The following ADGRA2 variants were observed in gnomAD, a reference collection of about 807,000 sequenced individuals.
The protein encoded by ADGRA2 is adhesion G protein-coupled receptor A2, also known as G-protein coupled receptor 124.
Under a neutral mutation model 98.7 loss-of-function variants are expected in ADGRA2, and 61 were observed. The ratio of observed to expected loss-of-function variants is 0.62; its 90% CI spans 0.50 to 0.76. The LOEUF (loss-of-function observed/expected upper bound fraction) is 0.76. Among genes scored for constraint, ADGRA2 ranks in the 30% least tolerant of loss-of-function variants. The pLI is 0.00. For synonymous variants in ADGRA2, 858 were observed against 831.5 expected (o/e 1.03, Z -0.55); for missense variants, 1,712 against 1,860.0 (o/e 0.92, Z 1.46).
intron 1 of ADGRA2, among the ~76,000 whole-genome samples, chr8:37,813,504 CGT>C (rs576097673): frequency 4.6e-5 from 7 of 152,112 alleles, no homozygotes; most frequent in African/African-American, 1.2e-4. Flanking sequence ...CAACATTGTG[CGT>C]GTGTGTGTGT....
chr8:37,839,139 C>T lies in ADGRA2; in HGVS notation c.2387+56C>T, dbSNP rs549345805. On this transcript the variant is annotated intron_variant, in intron 15 of 18. Transcript: ENST00000412232. Reference sequence around the variant, plus strand: ...TGGGCAGGCATGGAAGGGGCCCCTACCCTGTCCACTTCCCGTCCTATGCTC... The same window carrying T: ...TGGGCAGGCATGGAAGGGGCCCCTATCCTGTCCACTTCCCGTCCTATGCTC... The T allele has an allele frequency of 2.5e-4, 393 of 1,597,486 alleles. 2 individuals carry two copies. The South Asian group carries it at 4.1e-3, about 17-fold the overall frequency.
At chr8:37,808,655 A>G (rs1804745645) in intron 1 of ADGRA2, among the ~76,000 whole-genome samples, 1 of 151,988 alleles carries the variant, frequency 6.6e-6, no homozygotes, top group African/African-American at 2.4e-5. Flanking sequence ...ACCTGCCCAT[A>G]AAAATGCCAG....
chr8:37,829,055 C>A (rs185859866), intron 3 of ADGRA2, 96 bp downstream of exon 3: 21 of 899,004 alleles, frequency 2.3e-5, no homozygotes, highest in East Asian at 2.1e-4. Flanking sequence ...CTCACCCCCC[C>A]ACACCTGCCC....
chr8:37,835,066 G>A, intron 11 of ADGRA2, 108 bp from the exon 12 acceptor site: 2 of 726,094 alleles, frequency 2.8e-6, no homozygotes, highest in Non-Finnish European at 4.7e-6. Flanking sequence ...AAAAACTGAG[G>A]ATTGAAGGGG....
intron 2 of ADGRA2, among the ~76,000 whole-genome samples, chr8:37,815,338 C>T (rs149447384): frequency 3.0e-4 from 45 of 152,370 alleles, no homozygotes; most frequent in African/African-American, 1.0e-3. Context: ...CGACTGACTG[C>T]GGCCCTTTTC....
chr8:37,829,687 C>T, intron 5 of ADGRA2, 128 bp downstream of exon 5: 1 of 961,506 alleles, frequency 1.0e-6, no homozygotes, highest in African/African-American at 1.6e-5. Flanking sequence ...CCTGAAATGC[C>T]CCCATGATCA....
Position 37,802,581 on chromosome 8 carries a change from C to T in ADGRA2, c.266+5047C>T, listed in dbSNP as rs1804540462. ...GCAGGTCTTAGCTGCGGCACCCCCA[C>T]CCGGGCTCCGGGACCTCGCCTGTTC... On this transcript the variant is annotated intron_variant, in intron 1 of 18. Coordinates refer to ENST00000412232, the MANE Select transcript of ADGRA2 (RefSeq NM_032777.10). The surrounding 1 kb of genome is among the most constrained non-coding windows in gnomAD (Gnocchi z 4.7). 6.6e-6 allele frequency among the ~76,000 whole-genome samples: 1 copy of T among 152,206 alleles called. No individual in the cohort carries two copies. Among genetic ancestry groups the T allele is most frequent in the African/African-American group, 2.4e-5 (1 of 41,452 alleles).
At chr8:37,815,076 G>T (rs1027571672) in intron 2 of ADGRA2, 109 bp downstream of exon 2, 49 of 800,384 alleles carry the variant, frequency 6.1e-5, no homozygotes, top group Non-Finnish European at 9.3e-5. Flanking sequence ...GAACCTGCCG[G>T]CCGAGCAGGG....
At chr8:37,807,399 C>T (rs1804707336) in intron 1 of ADGRA2, among the ~76,000 whole-genome samples, 1 of 152,218 alleles carries the variant, frequency 6.6e-6, no homozygotes, top group African/African-American at 2.4e-5. Flanking sequence ...ATCAACCATA[C>T]TAAAATGTAC....
At chr8:37,816,102 G>A (rs960185209) in intron 2 of ADGRA2, among the ~76,000 whole-genome samples, 1 of 152,210 alleles carries the variant, frequency 6.6e-6, no homozygotes, top group African/African-American at 2.4e-5. Context: ...CAGTCCAGGG[G>A]AGACCACAAA....
chr8:37,829,647 T>C, intron 5 of ADGRA2, 88 bp downstream of exon 5: 5 of 1,071,518 alleles, frequency 4.7e-6, no homozygotes, highest in Non-Finnish European at 7.2e-6. Flanking sequence ...CCACCAGGAC[T>C]GGTCTCACGA....
Position 37,844,840 on chromosome 8 carries a change from G to C in ADGRA2, c.*2485G>C, listed in dbSNP as rs373002055. ...AAGGCAGAGCGGACCAGTGACTGGC[G>C]GTGCTGGAGAAGGTCACCGATGTGC... On this transcript the variant is annotated 3_prime_UTR_variant, in exon 19 of 19. Coordinates refer to ENST00000412232, the MANE Select transcript of ADGRA2 (RefSeq NM_032777.10). 1.9e-6 allele frequency: 3 copies of C among 1,614,086 alleles called. No individual in the cohort carries two copies. The highest frequency in any genetic ancestry group is 2.5e-6 in the Non-Finnish European group (3 of 1,180,042).
chr8:37,826,698 C>T (rs1238286697), intron 2 of ADGRA2, among the ~76,000 whole-genome samples: 4 of 152,188 alleles, frequency 2.6e-5, no homozygotes, highest in Admixed American at 6.5e-5. Flanking sequence ...GGGACAGTAC[C>T]TCCCCGTCCT....
Position 37,829,278 on chromosome 8 carries a change from G to A in ADGRA2, c.428G>A (p.Arg143Gln), listed in dbSNP as rs372307581. The A allele has an allele frequency of 1.5e-5, 24 of 1,613,222 alleles. No homozygotes were observed. The highest frequency in any genetic ancestry group is 6.7e-5 in the African/African-American group (5 of 74,746). Residue 143 changes from arginine to glutamine, a missense_variant, in exon 4 of 19, where the codon CGG becomes CAG. Physicochemically the swap from Arg to Gln is conservative, Grantham distance 43. Coordinates refer to ENST00000412232, the MANE Select transcript of ADGRA2 (RefSeq NM_032777.10). ...CTCTCTAGAGATCTCTCCAACAACC[G>A]GATTGGCTGTCTCACCTCCGAGACC... ...ELKRLDLSNN[R>Q]IGCLTSETFQ...
chr8:37,811,231 G>A lies in ADGRA2; in HGVS notation c.267-3665G>A, dbSNP rs1218171003. ...GTCACCCAGGCTGGAGTGCAATAGC[G>A]CGTTCTCGGCTCACTGCAACCTCCG... On this transcript the variant is annotated intron_variant, in intron 1 of 18. Coordinates refer to ENST00000412232, the MANE Select transcript of ADGRA2 (RefSeq NM_032777.10). 1.1e-4 allele frequency among the ~76,000 whole-genome samples: 15 copies of A among 138,762 alleles called. 1 individual carries two copies. The highest frequency in any genetic ancestry group is 1.5e-5 in the Non-Finnish European group (1 of 66,050). 91.0% of individuals were successfully genotyped at this position (138,762 alleles called of 152,430 possible). A position where few individuals can be genotyped will look rare whatever the true frequency, so the allele number is the denominator to read the frequency against.
rs910224834 is a variant in ADGRA2, at chr8:37,814,477, C to T, written c.267-419C>T. On this transcript the variant is annotated intron_variant, in intron 1 of 18. Transcript: ENST00000412232. This position sits in a 1 kb window ranked among gnomAD's most constrained non-coding sequence, Gnocchi z 4.3. Reference sequence around the variant, plus strand: ...CCAGACCTTCTGGGCATCCTGGCCCCGTTCAAGCCATTCTCCCCACCACTC... The same window carrying T: ...CCAGACCTTCTGGGCATCCTGGCCCTGTTCAAGCCATTCTCCCCACCACTC... Among the ~76,000 whole-genome samples the T allele has an allele frequency of 6.6e-6, 1 of 152,204 alleles. No homozygotes were observed. Among genetic ancestry groups the T allele is most frequent in the Non-Finnish European group, 1.5e-5 (1 of 68,042 alleles).
At chr8:37,829,685 G>A (rs955357345) in intron 5 of ADGRA2, 126 bp downstream of exon 5, 51 of 960,402 alleles carry the variant, frequency 5.3e-5, no homozygotes, top group Non-Finnish European at 8.2e-5. Context: ...TGCCTGAAAT[G>A]CCCCCATGAT....
chr8:37,839,018 C>G lies in ADGRA2; in HGVS notation c.2322C>G (p.Tyr774Ter). ...GAGAGLHPVVYPCTALLLLCL... is the reference protein window; with the variant it reads ...GAGAGLHPVV Reference sequence around the variant, plus strand: ...GGGCAGGGCTGCACCCCGTGGTATACCCCTGCACGGCCTTGCTGCTGCTCT... The same window carrying G: ...GGGCAGGGCTGCACCCCGTGGTATAGCCCTGCACGGCCTTGCTGCTGCTCT... The change falls in exon 15 of 19, where the codon TAC becomes TAG. Residue 774 changes from tyrosine (Y) to a stop codon, truncating the protein, a stop_gained. Coordinates refer to ENST00000412232, the MANE Select transcript of ADGRA2 (RefSeq NM_032777.10). LOFTEE classifies it high-confidence loss of function. 6.2e-7 allele frequency: 1 copy of G among 1,604,824 alleles called. No homozygotes were observed. Among genetic ancestry groups the G allele is most frequent in the Non-Finnish European group, 8.5e-7 (1 of 1,175,118 alleles).
chr8:37,828,176 G>A (rs562548935), intron 2 of ADGRA2, among the ~76,000 whole-genome samples: 1 of 152,046 alleles, frequency 6.6e-6, no homozygotes, highest in African/African-American at 2.4e-5. Flanking sequence ...CCCCTCCCAT[G>A]CGTCCCCTCC....
Sources: gnomAD v4.1 joint callset for allele counts (sites outside exome capture counted in the v4.1 genomes callset) on GRCh38, gnomAD v4.1.1 for gene constraint, Gnocchi (gnomAD v3.1) non-coding constraint, MANE v1.5 for transcripts, NCBI Gene and HGNC (gene_info 2026-07-23, HGNC 2026-07-21) for gene names.